The following GUCA1C variants were observed in gnomAD, a reference collection of about 807,000 sequenced individuals.
The protein encoded by GUCA1C is guanylate cyclase activator 1C, also known as guanylyl cyclase-activating protein 3.
GUCA1C carries 15 observed loss-of-function variants against 16.2 expected under a neutral mutation model. The ratio of observed to expected loss-of-function variants is 0.93; its 90% CI spans 0.62 to 1.43. The LOEUF (loss-of-function observed/expected upper bound fraction) is 1.43. Ranked by LOEUF, GUCA1C falls within the 40% of genes most tolerant of loss-of-function variation. GUCA1C has a pLI of 0.00. For missense variants in GUCA1C, 275 were observed against 244.8 expected, an observed-to-expected ratio of 1.12 and a Z score of -0.82; for synonymous variants, 78 against 85.4, an observed-to-expected ratio of 0.91 and a Z score of 0.48.
chr3:108,934,808 CTTTT>C (rs71629371), intron 1 of GUCA1C, among the ~76,000 whole-genome samples: 28 of 86,106 alleles, frequency 3.3e-4, no homozygotes, highest in Admixed American at 1.8e-3. Flanking sequence ...TGTTCTTGAT[CTTTT>C]TTTTTTTTTT....
At chr3:108,931,250 G>A (rs959397090) in intron 1 of GUCA1C, among the ~76,000 whole-genome samples, 1 of 97,926 alleles carries the variant, frequency 1.0e-5, no homozygotes, top group Non-Finnish European at 2.3e-5. Context: ...CATGATGAAT[G>A]GCAAAAGGCT....
intron 3 of GUCA1C, among the ~76,000 whole-genome samples, chr3:108,910,172 AC>A (rs1373180321): frequency 6.6e-6 from 1 of 152,148 alleles, no homozygotes; most frequent in Non-Finnish European, 1.5e-5. Context: ...AGAAAGAGTC[AC>A]CTGTGGAGGT....
chr3:108,937,003 C>T (rs1041936350), intron 1 of GUCA1C, among the ~76,000 whole-genome samples: 3 of 152,086 alleles, frequency 2.0e-5, no homozygotes, highest in Non-Finnish European at 2.9e-5. Flanking sequence ...CCTCTGCCAC[C>T]CGCCCGTAAG....
intron 1 of GUCA1C, among the ~76,000 whole-genome samples, chr3:108,940,325 G>A (rs768013182): frequency 1.3e-5 from 2 of 152,140 alleles, no homozygotes; most frequent in African/African-American, 2.4e-5. Flanking sequence ...AGGTTGCAGG[G>A]TAGCCACGGG....
At chr3:108,951,991 G>A (rs1328694952) in intron 1 of GUCA1C, among the ~76,000 whole-genome samples, 1 of 152,180 alleles carries the variant, frequency 6.6e-6, no homozygotes, top group East Asian at 1.9e-4. Context: ...ACAAATACTG[G>A]GCTAGCAACC....
chr3:108,913,353 T>C (rs1209451762), intron 3 of GUCA1C, among the ~76,000 whole-genome samples: 2 of 152,062 alleles, frequency 1.3e-5, no homozygotes, highest in African/African-American at 4.8e-5. Flanking sequence ...AAAAATTATA[T>C]TTGAGGTATA....
At chr3:108,948,318 C>T (rs1305761381) in intron 1 of GUCA1C, among the ~76,000 whole-genome samples, 1 of 152,132 alleles carries the variant, frequency 6.6e-6, no homozygotes, top group Non-Finnish European at 1.5e-5. Flanking sequence ...CCCCTTCGCC[C>T]TCTCTCTCCC....
At chr3:108,952,698 G>A (rs935308562) in intron 1 of GUCA1C, among the ~76,000 whole-genome samples, 4 of 151,536 alleles carry the variant, frequency 2.6e-5, no homozygotes, top group Non-Finnish European at 4.4e-5. Flanking sequence ...CAGTTGGATG[G>A]CCTTCTAAAG....
At chr3:108,954,446 C>T (rs1946929772), upstream of GUCA1C, among the ~76,000 whole-genome samples, 1 of 152,094 alleles carries the variant, frequency 6.6e-6, no homozygotes, top group Admixed American at 6.5e-5. Context: ...CCTTTCTCTC[C>T]CCCACCCTCT....
At chr3:108,931,486 C>G (rs544379139) in intron 1 of GUCA1C, among the ~76,000 whole-genome samples, 1 of 152,304 alleles carries the variant, frequency 6.6e-6, no homozygotes, top group East Asian at 1.9e-4. Flanking sequence ...GTAAGCAAAA[C>G]ATTTTGTGTT....
At position 108,907,881 on chromosome 3, in the gene GUCA1C, G is replaced by C; in HGVS notation, c.*141C>G. 1 of 620,674 alleles carries C rather than the reference G, an allele frequency of 1.6e-6. No individual in the cohort carries two copies. Among genetic ancestry groups the C allele is most frequent in the African/African-American group, 1.8e-5 (1 of 54,172 alleles). The allele number at this position is 620,674 out of a possible 1,614,324, so 38.4% of individuals were successfully genotyped here. A position where few individuals can be genotyped will look rare whatever the true frequency, so the allele number is the denominator to read the frequency against. On this transcript the variant is annotated 3_prime_UTR_variant, in exon 4 of 4. Coordinates refer to ENST00000261047, the MANE Select transcript of GUCA1C (RefSeq NM_005459.4). ...AGGATCTTTATGCAAGTCTCTACTGGATTAAAATAAGTGCTATATTCACAA... is the reference window on the plus strand; with the variant it reads ...AGGATCTTTATGCAAGTCTCTACTGCATTAAAATAAGTGCTATATTCACAA...
At chr3:108,932,335 A>C (rs71321275) in intron 1 of GUCA1C, among the ~76,000 whole-genome samples, 3,767 of 116,454 alleles carry the variant, frequency 0.032, 76 homozygotes, top group Middle Eastern at 0.12. Context: ...AAAAAAAAAA[A>C]AAAACAAAAA....
intron 1 of GUCA1C, among the ~76,000 whole-genome samples, chr3:108,943,501 C>G (rs992914720): frequency 1.3e-5 from 2 of 152,094 alleles, no homozygotes; most frequent in African/African-American, 4.8e-5. Flanking sequence ...AAACAACAGC[C>G]CTCTGCATGA....
intron 1 of GUCA1C, among the ~76,000 whole-genome samples, chr3:108,939,100 A>G (rs1379766764): frequency 2.0e-5 from 3 of 152,146 alleles, no homozygotes; most frequent in African/African-American, 4.8e-5. Context: ...GCTTCCTCTT[A>G]TAAGCATCTG....
rs549981150 is a variant in GUCA1C, at chr3:108,939,324, C to CTTTT, written c.204+14231_204+14234dup. Among the ~76,000 whole-genome samples the CTTTT allele has an allele frequency of 3.6e-3, 117 of 32,906 alleles. 23 individuals are homozygous for CTTTT. Among genetic ancestry groups the CTTTT allele is most frequent in the African/African-American group, 9.3e-3 (83 of 8,940 alleles). The allele number at this position is 32,906 out of a possible 152,430, so 21.6% of individuals were successfully genotyped here. The stretch of plus-strand genomic sequence containing the variant: ...TGTTAATATATTACTTGCTTCAAGG[C>CTTTT]TTTTTTTTTTTTTTTTTTTTTTTTT... On this transcript the variant is annotated intron_variant, in intron 1 of 3. Coordinates refer to ENST00000261047, the MANE Select transcript of GUCA1C (RefSeq NM_005459.4).
chr3:108,915,912 C>T, intron 3 of GUCA1C: 1 of 559,464 alleles, frequency 1.8e-6, no homozygotes, highest in Non-Finnish European at 3.1e-6. Context: ...TTATATATCC[C>T]AACATGTCAA....
At position 108,908,204 on chromosome 3, in the gene GUCA1C, A is replaced by T; in HGVS notation, c.448T>A (p.Leu150Met). 1.2e-6 allele frequency: 2 copies of T among 1,608,660 alleles called. No homozygotes were observed. The highest frequency in any genetic ancestry group is 8.5e-7 in the Non-Finnish European group (1 of 1,175,232). Residue 150 changes from leucine to methionine, a missense_variant, in exon 4 of 4, where the codon TTG becomes ATG. By Grantham distance (15) the Leu-to-Met change is conservative (BLOSUM62 2). Coordinates refer to ENST00000261047, the MANE Select transcript of GUCA1C (RefSeq NM_005459.4). ...HKIDINNDGE[L>M]TLEEFINGMA... is the part of the protein sequence containing the mutation. ...CCATTGATAAATTCTTCTAAAGTCAATTCCCCTGGAAAATAATAAACAGTT... is the reference window on the plus strand; with the variant it reads ...CCATTGATAAATTCTTCTAAAGTCATTTCCCCTGGAAAATAATAAACAGTT...
chr3:108,920,688 A>C, intron 1 of GUCA1C, 103 bp from the exon 2 acceptor site: 1 of 636,680 alleles, frequency 1.6e-6, no homozygotes, highest in Non-Finnish European at 2.7e-6. Flanking sequence ...TATAACTTAA[A>C]TCAATCCATA....
chr3:108,947,032 C>T (rs1946850570), intron 1 of GUCA1C, among the ~76,000 whole-genome samples: 3 of 151,894 alleles, frequency 2.0e-5, no homozygotes, highest in Admixed American at 2.0e-4. Flanking sequence ...AATGTTCTCA[C>T]CACAAAGAAA....
Sources: allele counts gnomAD v4.1 joint callset (sites outside exome capture counted in the v4.1 genomes callset), GRCh38; gene constraint gnomAD v4.1.1; transcripts MANE v1.5; gene names NCBI Gene and HGNC (gene_info 2026-07-23, HGNC 2026-07-21).